SLC25A12: variants seen among roughly 807,000 people sequenced by gnomAD.
The protein encoded by SLC25A12 is electrogenic aspartate/glutamate antiporter SLC25A12, mitochondrial.
In SLC25A12, 32 loss-of-function variants were observed where a neutral mutation model predicts 83.3. That is an observed-to-expected ratio of 0.38 (90% CI 0.29 to 0.52). SLC25A12 has a LOEUF of 0.52. Ranked by LOEUF, SLC25A12 falls within the 20% of genes least tolerant of loss-of-function variation. The pLI, the probability that SLC25A12 is intolerant of heterozygous loss-of-function variation, is 0.84. For missense variants in SLC25A12, 611 were observed against 835.6 expected, an observed-to-expected ratio of 0.73 and a Z score of 3.31; for synonymous variants, 267 against 291.1, an observed-to-expected ratio of 0.92 and a Z score of 0.84.
At chr2:171,878,985 TAAACA>T (rs1558942936) in intron 2 of SLC25A12, among the ~76,000 whole-genome samples, 1 of 152,234 alleles carries the variant, frequency 6.6e-6, no homozygotes, top group African/African-American at 2.4e-5. Flanking sequence ...CAAACCCTGT[TAAACA>T]GTACAATGTG....
At chr2:171,789,508 AT>A (rs1683376286) in intron 15 of SLC25A12, among the ~76,000 whole-genome samples, 1 of 152,142 alleles carries the variant, frequency 6.6e-6, no homozygotes, top group African/African-American at 2.4e-5. Flanking sequence ...GATTACAGGA[AT>A]GAGCCACCAA....
intron 13 of SLC25A12, among the ~76,000 whole-genome samples, chr2:171,796,381 T>TATAATCTAGCA (rs1683598018): frequency 6.6e-6 from 1 of 152,216 alleles, no homozygotes; most frequent in African/African-American, 2.4e-5. Flanking sequence ...TATAAACACA[T>TATAATCTAGCA]ATAATCTAGC....
At chr2:171,786,231 A>AAAATTAGC (rs953906796) in intron 17 of SLC25A12, among the ~76,000 whole-genome samples, 3 of 151,516 alleles carry the variant, frequency 2.0e-5, no homozygotes, top group African/African-American at 7.3e-5. Context: ...AAAAAAAAAA[A>AAAATTAGC]AAATTAGCCA....
intron 4 of SLC25A12, 85 bp from the exon 5 acceptor site, chr2:171,844,593 G>T: frequency 1.0e-6 from 1 of 1,001,012 alleles, no homozygotes. Flanking sequence ...AAAAAATTAA[G>T]AGAAGTTTTA....
intron 9 of SLC25A12, among the ~76,000 whole-genome samples, chr2:171,819,443 T>C (rs1268878050): frequency 5.1e-5 from 4 of 78,934 alleles, no homozygotes; most frequent in African/African-American, 1.6e-4. Context: ...TAATATATAA[T>C]ATATAATACT....
intron 13 of SLC25A12, among the ~76,000 whole-genome samples, chr2:171,806,234 TG>T (rs2105854435): frequency 6.6e-6 from 1 of 152,094 alleles, no homozygotes; most frequent in Admixed American, 6.5e-5. Context: ...CCGAGGCCGG[TG>T]GATCACCTGA....
intron 2 of SLC25A12, among the ~76,000 whole-genome samples, chr2:171,883,613 C>T (rs1685742663): frequency 1.3e-5 from 1 of 79,562 alleles, no homozygotes; most frequent in Non-Finnish European, 2.7e-5. Context: ...GCACACTGGC[C>T]TTTCTGTTTG....
At chr2:171,879,729 C>G (rs986015736) in intron 2 of SLC25A12, among the ~76,000 whole-genome samples, 4 of 152,158 alleles carry the variant, frequency 2.6e-5, no homozygotes, top group Non-Finnish European at 5.9e-5. Flanking sequence ...CAAATCATGT[C>G]GCTTTGACAA....
At chr2:171,887,082 GC>G (rs1175464891) in intron 2 of SLC25A12, among the ~76,000 whole-genome samples, 1 of 152,064 alleles carries the variant, frequency 6.6e-6, no homozygotes, top group Non-Finnish European at 1.5e-5. Flanking sequence ...TAAAAGCCCT[GC>G]TTTATTCCCT....
chr2:171,862,507 C>T (rs1239651235), intron 3 of SLC25A12, among the ~76,000 whole-genome samples: 4 of 152,108 alleles, frequency 2.6e-5, no homozygotes, highest in Non-Finnish European at 5.9e-5. Flanking sequence ...TCCAAACACT[C>T]CTACTTATTT....
At chr2:171,824,764 T>C (rs1684264152) in intron 9 of SLC25A12, among the ~76,000 whole-genome samples, 1 of 151,996 alleles carries the variant, frequency 6.6e-6, no homozygotes, top group African/African-American at 2.4e-5. Flanking sequence ...AATAAATCCA[T>C]CTATTTTTAA....
intron 12 of SLC25A12, 101 bp downstream of exon 12, chr2:171,810,123 G>A: frequency 1.0e-6 from 1 of 992,090 alleles, no homozygotes. Flanking sequence ...CCAAAATGCT[G>A]AGATTATAGG....
chr2:171,787,702 G>T, intron 16 of SLC25A12, 41 bp from the exon 17 acceptor site: 2 of 1,608,842 alleles, frequency 1.2e-6, no homozygotes, highest in South Asian at 2.2e-5. Flanking sequence ...TTGAAACCAG[G>T]ACAAATGTGG....
chr2:171,836,709 A>G (rs1684564847), intron 6 of SLC25A12, among the ~76,000 whole-genome samples: 1 of 152,204 alleles, frequency 6.6e-6, no homozygotes, highest in African/African-American at 2.4e-5. Flanking sequence ...GGTGGTGTGG[A>G]AAGAGGCCAA....
rs751410102 is a variant in SLC25A12, at chr2:171,785,337, C to T, written c.1974G>A (p.Pro658=). ...CAGCAACACTAGGAGACTTAAATTT[C>T]GGGAGATAAAGGCCAAATTTGTTTT... ...GIENKFGLYL[P]KFKSPSVAVV... The change falls in exon 18 of 18, where the codon CCG becomes CCA. Residue 658 remains proline, a synonymous_variant. Coordinates refer to ENST00000422440, the MANE Select transcript of SLC25A12 (RefSeq NM_003705.5). 34 of 1,614,038 alleles carry T rather than the reference C, an allele frequency of 2.1e-5. No homozygotes were observed. Among genetic ancestry groups the T allele is most frequent in the Middle Eastern group, 1.6e-4 (1 of 6,084 alleles).
intron 5 of SLC25A12, among the ~76,000 whole-genome samples, chr2:171,839,869 C>T (rs1484791936): frequency 2.6e-5 from 4 of 152,254 alleles, no homozygotes; most frequent in African/African-American, 9.6e-5. Context: ...AGCTGGATAT[C>T]TGTTTAAGAA....
Position 171,894,124 on chromosome 2 carries a change from G to C in SLC25A12, c.12+79C>G, listed in dbSNP as rs970817433. 2.6e-6 allele frequency: 4 copies of C among 1,532,390 alleles called. No homozygotes were observed. In the African/African-American group the frequency reaches 5.5e-5, roughly 21 times the overall value. 94.9% of individuals were successfully genotyped at this position (1,532,390 alleles called of 1,614,324 possible). On this transcript the variant is annotated intron_variant, in intron 1 of 17. Transcript: ENST00000422440. ...TAAGACCTAGACAATGAATAAAATG[G>C]GAAGCAGTGGGGGGCTGCAGGCAGG...
At chr2:171,877,438 G>A (rs1256082319) in intron 2 of SLC25A12, among the ~76,000 whole-genome samples, 9 of 151,994 alleles carry the variant, frequency 5.9e-5, no homozygotes, top group South Asian at 2.1e-4. Context: ...AGGCCGAGGC[G>A]GGTGGATCAC....
rs1009351752 is a variant in SLC25A12 at position 171,815,259 on chromosome 2, A to C, written c.931-57T>G. The C allele has an allele frequency of 2.5e-6, 3 of 1,192,302 alleles. No individual in the cohort carries two copies. In the African/African-American group the frequency reaches 4.5e-5, roughly 18 times the overall value. 73.9% of individuals were successfully genotyped at this position (1,192,302 alleles called of 1,614,324 possible). On this transcript the variant is annotated intron_variant, in intron 9 of 17. Coordinates refer to ENST00000422440, the MANE Select transcript of SLC25A12 (RefSeq NM_003705.5). ...TTGAAAGCGCACACAGCAAGTGAAA[A>C]AGCTACAATTTGACTATTTTAAGAC...
Sources: allele counts gnomAD v4.1 joint callset (sites outside exome capture counted in the v4.1 genomes callset), GRCh38; gene constraint gnomAD v4.1.1; transcripts MANE v1.5; gene names NCBI Gene and HGNC (gene_info 2026-07-23, HGNC 2026-07-21).